Variants in CNTNAP3B observed in about 807,000 individuals in gnomAD.
CNTNAP3B encodes contactin-associated protein-like 3B.
Under a neutral mutation model 108.9 loss-of-function variants are expected in CNTNAP3B, and 25 were observed. The ratio of observed to expected loss-of-function variants is 0.23; its 90% confidence interval spans 0.17 to 0.32. The LOEUF (loss-of-function observed/expected upper bound fraction) is 0.32, where lower values mean the gene tolerates loss of function less well. CNTNAP3B is among the 10% of genes least tolerant of loss of function. The pLI is 1.00. For missense variants in CNTNAP3B, 252 were observed against 1,210.4 expected, an observed-to-expected ratio of 0.21 and a Z score of 11.75; for synonymous variants, 103 against 473.4, an observed-to-expected ratio of 0.22 and a Z score of 10.16.
chr9:41,926,285 G>T (rs1292289678), intron 15 of CNTNAP3B, among the ~76,000 whole-genome samples: 2 of 152,048 alleles, frequency 1.3e-5, no homozygotes, highest in Non-Finnish European at 2.9e-5. Flanking sequence ...GTCATTCCTT[G>T]ACCCTATCCC....
Position 42,125,564 on chromosome 9 carries a change from A to G in CNTNAP3B, c.85+3446T>C, listed in dbSNP as rs1434902332. ...TTTTTCTTTTTTCATGATCAAACCA[A>G]TGTCTTGGAATTGATTATCATTTCC... On this transcript the variant is annotated intron_variant, in intron 1 of 23. Coordinates refer to ENST00000377561, the MANE Select transcript of CNTNAP3B (RefSeq NM_001201380.3). Among the ~76,000 whole-genome samples, 3 of 139,312 alleles carry G rather than the reference A, an allele frequency of 2.2e-5. 1 individual carries two copies. Among genetic ancestry groups the G allele is most frequent in the African/African-American group, 8.5e-5 (3 of 35,222 alleles). The allele number at this position is 139,312 out of a possible 152,430, so 91.4% of individuals were successfully genotyped here. A position where few individuals can be genotyped will look rare whatever the true frequency, so the allele number is the denominator to read the frequency against.
chr9:41,924,680 C>CACACAT (rs1823763727), intron 15 of CNTNAP3B, among the ~76,000 whole-genome samples: 13 of 145,458 alleles, frequency 8.9e-5, no homozygotes, highest in African/African-American at 3.1e-4. Flanking sequence ...CACACACACA[C>CACACAT]ACACACACAC....
intron 12 of CNTNAP3B, among the ~76,000 whole-genome samples, chr9:41,956,577 A>G (rs1321880547): frequency 3.3e-5 from 5 of 150,984 alleles, no homozygotes; most frequent in Non-Finnish European, 7.4e-5. Flanking sequence ...GTCCCAGAAG[A>G]AAAAAGAAAA....
chr9:41,933,229 G>A (rs1374369510), intron 14 of CNTNAP3B, among the ~76,000 whole-genome samples: 1 of 152,264 alleles, frequency 6.6e-6, no homozygotes, highest in Non-Finnish European at 1.5e-5. Context: ...TTTGTCATGG[G>A]GGGGGCTGTC....
chr9:41,921,232 C>T (rs1239053915), intron 17 of CNTNAP3B, among the ~76,000 whole-genome samples: 1 of 152,296 alleles, frequency 6.6e-6, no homozygotes, highest in African/African-American at 2.4e-5. Flanking sequence ...TAGGCATTCC[C>T]TTAAATAATC....
intron 5 of CNTNAP3B, 30 bp from the exon 6 acceptor site, chr9:41,997,782 T>A (rs1329723249): frequency 4.3e-6 from 6 of 1,394,766 alleles, no homozygotes; most frequent in Non-Finnish European, 5.8e-6. Context: ...AACAGTTATT[T>A]CTGTTCAAAA....
intron 6 of CNTNAP3B, among the ~76,000 whole-genome samples, chr9:41,997,172 A>C (rs868620335): frequency 2.5e-3 from 364 of 147,740 alleles, no homozygotes; most frequent in Middle Eastern, 0.01. Flanking sequence ...AAGTGATCCT[A>C]AATAATGCTA....
At chr9:41,926,013 A>ATCTC (rs371984503) in intron 15 of CNTNAP3B, among the ~76,000 whole-genome samples, 20 of 151,664 alleles carry the variant, frequency 1.3e-4, no homozygotes, top group Non-Finnish European at 2.4e-4. Context: ...GTGTATTTGT[A>ATCTC]TCTCTCTCTC....
intron 13 of CNTNAP3B, among the ~76,000 whole-genome samples, chr9:41,941,101 C>T (rs1319938002): frequency 6.7e-6 from 1 of 149,758 alleles, no homozygotes; most frequent in Non-Finnish European, 1.5e-5. Context: ...GATAAAGGAC[C>T]CAAATAGACA....
At chr9:42,103,176 A>T (rs2118695884) in intron 2 of CNTNAP3B, among the ~76,000 whole-genome samples, 1 of 136,040 alleles carries the variant, frequency 7.4e-6, no homozygotes, top group South Asian at 2.3e-4. Flanking sequence ...TGTTTCAGTG[A>T]TAATGACCAT....
chr9:42,081,151 TG>T (rs1827604251), intron 2 of CNTNAP3B, among the ~76,000 whole-genome samples: 2 of 119,912 alleles, frequency 1.7e-5, no homozygotes, highest in East Asian at 5.3e-4. Context: ...CTGACACACA[TG>T]TTCCATTACT....
At chr9:41,929,693 AC>A (rs1427418863) in intron 14 of CNTNAP3B, among the ~76,000 whole-genome samples, 1 of 137,454 alleles carries the variant, frequency 7.3e-6, no homozygotes, top group Admixed American at 7.2e-5. Flanking sequence ...TAACTCTGCC[AC>A]CAAGTGTGAA....
chr9:41,946,970 A>G (rs1824546401), intron 13 of CNTNAP3B, among the ~76,000 whole-genome samples: 1 of 113,192 alleles, frequency 8.8e-6, no homozygotes, highest in Non-Finnish European at 1.9e-5. Flanking sequence ...CTCAATTTCT[A>G]TGTAAACTTA....
At chr9:42,077,343 C>T (rs1292544494) in intron 2 of CNTNAP3B, among the ~76,000 whole-genome samples, 6 of 131,942 alleles carry the variant, frequency 4.5e-5, no homozygotes, top group Non-Finnish European at 9.5e-5. Flanking sequence ...ACTTTTGGAA[C>T]TAGTGTTATT....
rs1206678772 is a variant in CNTNAP3B at position 41,964,905 on chromosome 9, A to C, written c.1650-261T>G. Among the ~76,000 whole-genome samples the C allele has an allele frequency of 2.6e-5, 4 of 152,396 alleles. No homozygotes were observed. In the East Asian group the frequency reaches 7.7e-4, roughly 29 times the overall value. On this transcript the variant is annotated intron_variant, in intron 10 of 23. Transcript: ENST00000377561. ...TTTTTTTCTTTGTCCCAAGTGACAC[A>C]ATAACTTGACATGTGGCTAGCAAAA...
intron 14 of CNTNAP3B, among the ~76,000 whole-genome samples, chr9:41,937,193 T>C: frequency 6.7e-6 from 1 of 149,122 alleles, no homozygotes; most frequent in African/African-American, 2.5e-5. Context: ...AGTGGCGCGA[T>C]CTCAGCTCAC....
rs1185054044 is a variant in CNTNAP3B, at chr9:42,115,215, C to G, written c.86-10476G>C. Among the ~76,000 whole-genome samples, 12 of 138,440 alleles carry G rather than the reference C, an allele frequency of 8.7e-5. 3 individuals are homozygous for G. Among genetic ancestry groups the G allele is most frequent in the African/African-American group, 3.4e-4 (12 of 34,804 alleles). The allele number at this position is 138,440 out of a possible 152,430, so 90.8% of individuals were successfully genotyped here. On this transcript the variant is annotated intron_variant, in intron 1 of 23. Transcript: ENST00000377561. ...ATAAGAAAAAACAGAAGAAGCTGCACTCTTTTGACAAAGCTCATAAGGCTA... is the reference window on the plus strand; with the variant it reads ...ATAAGAAAAAACAGAAGAAGCTGCAGTCTTTTGACAAAGCTCATAAGGCTA...
At chr9:42,088,729 A>G (rs1476548681) in intron 2 of CNTNAP3B, among the ~76,000 whole-genome samples, 2 of 136,838 alleles carry the variant, frequency 1.5e-5, no homozygotes, top group African/African-American at 2.9e-5. Context: ...TCTAAGAACT[A>G]TTAAAAGGCA....
At chr9:42,094,301 T>C (rs1203785921) in intron 2 of CNTNAP3B, among the ~76,000 whole-genome samples, 1 of 134,806 alleles carries the variant, frequency 7.4e-6, no homozygotes, top group Non-Finnish European at 1.6e-5. Context: ...CCTGTTTATA[T>C]AGCCAGAGAA....
Sources: gnomAD v4.1 joint callset for allele counts (sites outside exome capture counted in the v4.1 genomes callset) on GRCh38, gnomAD v4.1.1 for gene constraint, MANE v1.5 for transcripts, NCBI Gene and HGNC (gene_info 2026-07-23, HGNC 2026-07-21) for gene names.